FBRSL1: variants seen among roughly 807,000 people sequenced by gnomAD.
The protein encoded by FBRSL1 is fibrosin like 1, also known as fibrosin-1-like protein.
FBRSL1 carries 51 observed loss-of-function variants against 89.6 expected under a neutral mutation model. The ratio of observed to expected loss-of-function variants is 0.57; its 90% CI spans 0.45 to 0.72. The LOEUF (loss-of-function observed/expected upper bound fraction) is 0.72, where lower values mean the gene tolerates loss of function less well. Ranked by LOEUF, FBRSL1 falls within the 30% of genes least tolerant of loss-of-function variation. The pLI, the probability that FBRSL1 is intolerant of heterozygous loss-of-function variation, is 0.00. For synonymous variants in FBRSL1, 779 were observed against 681.1 expected (o/e 1.14, Z -2.24); for missense variants, 1,618 against 1,451.8 (o/e 1.11, Z -1.86).
chr12:132,542,555 G>T (rs2037355242), intron 4 of FBRSL1, among the ~76,000 whole-genome samples: 1 of 152,222 alleles, frequency 6.6e-6, no homozygotes, highest in South Asian at 2.1e-4. Context: ...CACTGGCCCT[G>T]CCTCAGCCCC....
In FBRSL1 at chr12:132,508,260, C is replaced by T. The variant is rs561051696; in HGVS notation, c.399C>T (p.Asn133=). The change falls in exon 2 of 19, where the codon AAC becomes AAT. Residue 133 remains asparagine, a synonymous_variant. Coordinates refer to ENST00000680143, the MANE Select transcript of FBRSL1 (RefSeq NM_001367871.1). ...GCCCCCCTGCGGAGCCCAGTGAGAA[C>T]AGGCGGCCCCTGGAGGCAGGCAGCC... ...ETCPPAEPSE[N]RRPLEAGSPG... 1.3e-6 allele frequency: 2 copies of T among 1,550,762 alleles called. No homozygotes were observed. The highest frequency in any genetic ancestry group is 4.9e-5 in the East Asian group (2 of 40,900).
Position 132,570,150 on chromosome 12 carries a change from C to T in FBRSL1, c.916C>T (p.Pro306Ser), listed in dbSNP as rs1259404904. 2 of 1,484,186 alleles carry T rather than the reference C, an allele frequency of 1.3e-6. No homozygotes were observed. The highest frequency in any genetic ancestry group is 1.8e-6 in the Non-Finnish European group (2 of 1,126,924). 91.9% of individuals were successfully genotyped at this position (1,484,186 alleles called of 1,614,324 possible). Residue 306 changes from proline to serine, a missense_variant, in exon 7 of 19, where the codon CCC (proline) becomes TCC (serine). Physicochemically the swap from Pro to Ser is moderately conservative, Grantham distance 74 (BLOSUM62 -1). Coordinates refer to ENST00000680143, the MANE Select transcript of FBRSL1 (RefSeq NM_001367871.1). Reference sequence around the variant, plus strand: ...CACCCCGCAGCCGCCACCCCCGCAGCCCCGCGGCCTGCTCCCGACACACGT... The same window carrying T: ...CACCCCGCAGCCGCCACCCCCGCAGTCCCGCGGCCTGCTCCCGACACACGT... ...RHTPQPPPPQ[P>S]RGLLPTHVPA...
chr12:132,510,622 G>C (rs114447470), intron 2 of FBRSL1: 2 of 1,229,450 alleles, frequency 1.6e-6, no homozygotes, highest in African/African-American at 1.6e-5. Flanking sequence ...ATTGAGGCTC[G>C]GCCAGAGGCG....
At position 132,509,763 on chromosome 12, in the gene FBRSL1, G is replaced by T. The variant is rs552733734; in HGVS notation, c.489+1413G>T. On this transcript the variant is annotated intron_variant, in intron 2 of 18. Transcript: ENST00000680143. ...CAGCCCGTGTCACTGTGGCCAGCCC[G>T]GTAGGGCATCCTCAGGACAGCGCAG... The T allele has an allele frequency of 5.7e-6, 7 of 1,230,842 alleles. No individual in the cohort carries two copies. The African/African-American group carries it at 9.3e-5, about 16-fold the overall frequency. 76.2% of individuals were successfully genotyped at this position (1,230,842 alleles called of 1,614,324 possible). A position where few individuals can be genotyped will look rare whatever the true frequency, so the allele number is the denominator to read the frequency against.
chr12:132,493,548 C>G (rs1292027666), intron 1 of FBRSL1, among the ~76,000 whole-genome samples: 2 of 152,184 alleles, frequency 1.3e-5, no homozygotes, highest in African/African-American at 2.4e-5. Flanking sequence ...CCCTTCTGAC[C>G]CCAGGCAGAC....
intron 2 of FBRSL1, among the ~76,000 whole-genome samples, chr12:132,516,171 G>A (rs1336201573): frequency 6.6e-6 from 1 of 150,840 alleles, no homozygotes; most frequent in Non-Finnish European, 1.5e-5. Flanking sequence ...GACACAAGAT[G>A]AAATAGATAA....
intron 4 of FBRSL1, among the ~76,000 whole-genome samples, chr12:132,543,860 C>A (rs548311129): frequency 8.5e-5 from 13 of 152,204 alleles, no homozygotes; most frequent in African/African-American, 2.7e-4. Context: ...ACACCCAGCC[C>A]GGGATGGAGG....
At chr12:132,512,739 A>C (rs1284900484) in intron 2 of FBRSL1, among the ~76,000 whole-genome samples, 1 of 152,228 alleles carries the variant, frequency 6.6e-6, no homozygotes, top group Admixed American at 6.5e-5. Context: ...GGAGCTGAGC[A>C]GTGGCACTTG....
intron 5 of FBRSL1, among the ~76,000 whole-genome samples, chr12:132,564,843 A>C (rs527269940): frequency 1.3e-4 from 19 of 151,158 alleles, no homozygotes; most frequent in African/African-American, 2.4e-4. Context: ...GTTGGCCAGG[A>C]TGGTCTCGAT....
chr12:132,493,776 C>G (rs2031529966), intron 1 of FBRSL1, among the ~76,000 whole-genome samples: 2 of 152,212 alleles, frequency 1.3e-5, no homozygotes, highest in South Asian at 4.1e-4. Flanking sequence ...AGCATCTGCA[C>G]ATTTATATGT....
At chr12:132,582,414 C>CCT in intron 18 of FBRSL1, 148 bp downstream of exon 18, 1 of 599,368 alleles carries the variant, frequency 1.7e-6, no homozygotes. Flanking sequence ...TCCCCTTCCC[C>CCT]GTTCCCCCTC....
intron 5 of FBRSL1, among the ~76,000 whole-genome samples, chr12:132,562,181 A>G (rs2039184200): frequency 6.6e-6 from 1 of 152,088 alleles, no homozygotes; most frequent in Admixed American, 6.5e-5. Flanking sequence ...GGCGGACCCC[A>G]TGGGAGCCAC....
intron 5 of FBRSL1, among the ~76,000 whole-genome samples, chr12:132,562,024 G>A (rs544238036): frequency 6.6e-6 from 1 of 152,080 alleles, no homozygotes; most frequent in Admixed American, 6.5e-5. Flanking sequence ...GAGGCCCAAA[G>A]GCTGGTCTGG....
intron 5 of FBRSL1, among the ~76,000 whole-genome samples, chr12:132,556,156 A>T (rs2137513742): frequency 6.6e-6 from 1 of 152,276 alleles, no homozygotes; most frequent in African/African-American, 2.4e-5. Flanking sequence ...ACATCCCTAT[A>T]GGTGGTTCTG....
chr12:132,511,086 G>A, intron 2 of FBRSL1: 3 of 985,658 alleles, frequency 3.0e-6, no homozygotes, highest in Non-Finnish European at 3.6e-6. Context: ...CCTCCCCCTG[G>A]TAGTCAGGAG....
At chr12:132,552,594 C>T (rs1323342963) in intron 5 of FBRSL1, 6 of 162,782 alleles carry the variant, frequency 3.7e-5, no homozygotes, top group Non-Finnish European at 6.7e-5. Context: ...GCTGGAGGCC[C>T]CTGCCATGGG....
chr12:132,498,519 C>T (rs568875369), intron 1 of FBRSL1, among the ~76,000 whole-genome samples: 1 of 152,354 alleles, frequency 6.6e-6, no homozygotes, highest in East Asian at 1.9e-4. Context: ...GGAGGATGGG[C>T]CATCCCCACA....
intron 2 of FBRSL1, among the ~76,000 whole-genome samples, chr12:132,515,552 G>T (rs1360549393): frequency 8.6e-5 from 13 of 151,682 alleles, no homozygotes; most frequent in African/African-American, 2.7e-4. Flanking sequence ...AAAATGGAAG[G>T]TTTGTAAACC....
At chr12:132,551,465 C>A in intron 5 of FBRSL1, 1 of 456,294 alleles carries the variant, frequency 2.2e-6, no homozygotes, top group South Asian at 1.5e-5. Flanking sequence ...CAGTGCACCC[C>A]GAGGAAGCCT....
Sources: gnomAD v4.1 joint callset for allele counts (sites outside exome capture counted in the v4.1 genomes callset) on GRCh38, gnomAD v4.1.1 for gene constraint, MANE v1.5 for transcripts, NCBI Gene and HGNC (gene_info 2026-07-23, HGNC 2026-07-21) for gene names.